The following ENOX1 variants were observed in gnomAD, a reference collection of about 807,000 sequenced individuals.
ENOX1 encodes the protein ecto-NOX disulfide-thiol exchanger 1.
Under a neutral mutation model 82.5 loss-of-function variants are expected in ENOX1, and 42 were observed. That is an observed-to-expected ratio of 0.51 (90% confidence interval 0.40 to 0.66). ENOX1 has a LOEUF of 0.66. Among genes scored for constraint, ENOX1 ranks in the 30% least tolerant of loss-of-function variants. The pLI is 0.00. For synonymous variants in ENOX1, 271 were observed against 282.2 expected (o/e 0.96, Z 0.40); for missense variants, 608 against 811.6 (o/e 0.75, Z 3.05).
chr13:43,609,330 A>G (rs2082103636), intron 2 of ENOX1, among the ~76,000 whole-genome samples: 1 of 152,224 alleles, frequency 6.6e-6, no homozygotes, highest in African/African-American at 2.4e-5. Context: ...TAGATAGCTT[A>G]AAGGTTCTTT....
At chr13:43,772,802 T>C (rs1442046356) in intron 1 of ENOX1, among the ~76,000 whole-genome samples, 1 of 145,594 alleles carries the variant, frequency 6.9e-6, no homozygotes, top group African/African-American at 2.6e-5. Flanking sequence ...CAATACTGAG[T>C]GGTTCTCAAA....
intron 1 of ENOX1, among the ~76,000 whole-genome samples, chr13:43,730,878 G>T (rs7987036): frequency 0.013 from 1,948 of 152,196 alleles, 37 homozygotes; most frequent in African/African-American, 0.044. Context: ...AGCTCCTCCA[G>T]GAAGCATTTC....
chr13:43,661,769 C>A (rs2084743789), intron 2 of ENOX1, among the ~76,000 whole-genome samples: 1 of 152,112 alleles, frequency 6.6e-6, no homozygotes, highest in African/African-American at 2.4e-5. Context: ...AGAAACGGGA[C>A]TGAATTAGGA....
At position 43,785,809 on chromosome 13, in the gene ENOX1, G is replaced by A. The variant is rs534927368; in HGVS notation, c.-285+843C>T. 1.8e-3 allele frequency among the ~76,000 whole-genome samples: 274 copies of A among 152,238 alleles called. 1 individual carries two copies. The highest frequency in any genetic ancestry group is 6.2e-3 in the African/African-American group (259 of 41,548). ...ACGCCTTCAGCCAATCAGGACCCGC[G>A]AGCCCCGGGTGTCCAACCTATGGGG... On this transcript the variant is annotated intron_variant, in intron 1 of 16. Transcript: ENST00000690772.
chr13:43,650,196 G>A (rs997236857), intron 2 of ENOX1, among the ~76,000 whole-genome samples: 4 of 152,188 alleles, frequency 2.6e-5, no homozygotes, highest in Admixed American at 6.5e-5. Flanking sequence ...AACACCGTTA[G>A]GTATCACTGA....
At chr13:43,263,580 C>T (rs1051702525) in intron 14 of ENOX1, among the ~76,000 whole-genome samples, 1 of 152,244 alleles carries the variant, frequency 6.6e-6, no homozygotes, top group African/African-American at 2.4e-5. Flanking sequence ...TTAGGCCTGT[C>T]TATACATGTA....
chr13:43,558,287 G>A (rs2079528388), intron 2 of ENOX1, among the ~76,000 whole-genome samples: 1 of 152,202 alleles, frequency 6.6e-6, no homozygotes, highest in Non-Finnish European at 1.5e-5. Flanking sequence ...AAGGCCATCA[G>A]CTGTTGTGTT....
intron 1 of ENOX1, among the ~76,000 whole-genome samples, chr13:43,778,886 T>C (rs1161768276): frequency 6.6e-6 from 1 of 152,182 alleles, no homozygotes; most frequent in Non-Finnish European, 1.5e-5. Context: ...ATCTGGGGAA[T>C]GGCAGGTAAG....
At chr13:43,702,178 T>C (rs970363946) in intron 1 of ENOX1, among the ~76,000 whole-genome samples, 2 of 152,228 alleles carry the variant, frequency 1.3e-5, no homozygotes, top group African/African-American at 4.8e-5. Context: ...CAATGGTTCA[T>C]TTGTACTCTT....
chr13:43,769,283 T>C (rs193107529), intron 1 of ENOX1, among the ~76,000 whole-genome samples: 1 of 152,310 alleles, frequency 6.6e-6, no homozygotes, highest in Admixed American at 6.5e-5. Context: ...TAATAAAGGC[T>C]ACTATAGCGA....
intron 3 of ENOX1, among the ~76,000 whole-genome samples, chr13:43,428,714 A>G (rs1441723862): frequency 2.6e-5 from 4 of 152,164 alleles, no homozygotes; most frequent in African/African-American, 9.7e-5. Flanking sequence ...GCAGCTAGCT[A>G]CAAGGAAGAG....
At chr13:43,383,358 C>T (rs893800663) in intron 5 of ENOX1, among the ~76,000 whole-genome samples, 16 of 152,180 alleles carry the variant, frequency 1.1e-4, no homozygotes, top group East Asian at 1.9e-4. Flanking sequence ...CTCAACTTCA[C>T]GGTAATAATG....
Position 43,643,222 on chromosome 13 carries a change from G to T in ENOX1, c.-219+24257C>A, listed in dbSNP as rs188087213. On this transcript the variant is annotated intron_variant, in intron 2 of 16. Coordinates refer to ENST00000690772, the MANE Select transcript of ENOX1 (RefSeq NM_001347969.2). ...TTACATTGGATGCCAAGGACCGAGG[G>T]TAGGTACATAGTGTTTGTGTTCCCC... 1.6e-4 allele frequency among the ~76,000 whole-genome samples: 24 copies of T among 152,320 alleles called. No individual in the cohort carries two copies. The East Asian group carries it at 4.2e-3, about 27-fold the overall frequency.
At chr13:43,737,190 G>A (rs1173397086) in intron 1 of ENOX1, among the ~76,000 whole-genome samples, 1 of 152,178 alleles carries the variant, frequency 6.6e-6, no homozygotes, top group African/African-American at 2.4e-5. Flanking sequence ...TTAAATTTGT[G>A]TTGCTACCTT....
chr13:43,416,071 G>A (rs555402944), intron 3 of ENOX1, among the ~76,000 whole-genome samples: 165 of 146,008 alleles, frequency 1.1e-3, no homozygotes, highest in Non-Finnish European at 2.2e-3. Context: ...GGGCAGAGGC[G>A]CTCCCCATCT....
At chr13:43,251,100 T>A (rs747419632) in intron 14 of ENOX1, among the ~76,000 whole-genome samples, 7 of 152,184 alleles carry the variant, frequency 4.6e-5, no homozygotes, top group Non-Finnish European at 1.0e-4. Flanking sequence ...CTTATTAAAG[T>A]TCGAGAAGCA....
intron 11 of ENOX1, among the ~76,000 whole-genome samples, chr13:43,311,091 C>G (rs4245320): frequency 0.17 from 25,468 of 151,810 alleles, 2,670 homozygotes; most frequent in East Asian, 0.53. Flanking sequence ...TTGGGGACTA[C>G]TGGGTGTGTC....
intron 2 of ENOX1, among the ~76,000 whole-genome samples, chr13:43,572,608 T>C (rs1421931531): frequency 6.6e-6 from 1 of 152,234 alleles, no homozygotes; most frequent in East Asian, 1.9e-4. Context: ...TAAACAGAAA[T>C]CTCAGTCAGT....
At chr13:43,396,209 T>C (rs2053139495) in intron 5 of ENOX1, among the ~76,000 whole-genome samples, 1 of 152,184 alleles carries the variant, frequency 6.6e-6, no homozygotes, top group African/African-American at 2.4e-5. Flanking sequence ...AGAATGTCCT[T>C]CCTTTTCTTG....
Sources: allele counts gnomAD v4.1 joint callset (sites outside exome capture counted in the v4.1 genomes callset), GRCh38; gene constraint gnomAD v4.1.1; transcripts MANE v1.5; gene names NCBI Gene and HGNC (gene_info 2026-07-23, HGNC 2026-07-21).